Variants in SNTB1 observed in about 807,000 individuals in gnomAD.
SNTB1 encodes beta-1-syntrophin.
Under a neutral mutation model 48.9 loss-of-function variants are expected in SNTB1, and 36 were observed. The observed-to-expected ratio is 0.74, with a 90% CI of 0.56 to 0.97. The LOEUF (loss-of-function observed/expected upper bound fraction) is 0.97. Among genes scored for constraint, SNTB1 ranks in the 50% least tolerant of loss-of-function variants. SNTB1 has a pLI of 0.00. For missense variants in SNTB1, 786 were observed against 703.4 expected, an observed-to-expected ratio of 1.12 and a Z score of -1.33; for synonymous variants, 299 against 294.6, an observed-to-expected ratio of 1.01 and a Z score of -0.15.
intron 3 of SNTB1, among the ~76,000 whole-genome samples, chr8:120,601,030 T>C (rs555241633): frequency 1.3e-5 from 2 of 152,250 alleles, no homozygotes; most frequent in African/African-American, 4.8e-5. Flanking sequence ...GTGAAAGAGC[T>C]TGGTGCCCAG....
chr8:120,549,476 C>T (rs1815442452), intron 4 of SNTB1, among the ~76,000 whole-genome samples: 1 of 152,134 alleles, frequency 6.6e-6, no homozygotes, highest in African/African-American at 2.4e-5. Context: ...GAAGCAATAG[C>T]CAGTGGTGTA....
chr8:120,568,106 C>A (rs1056662753), intron 4 of SNTB1, among the ~76,000 whole-genome samples: 1 of 152,136 alleles, frequency 6.6e-6, no homozygotes, highest in Non-Finnish European at 1.5e-5. Flanking sequence ...CTGGGGTAAC[C>A]TCTGCAATGG....
chr8:120,619,990 G>A, intron 3 of SNTB1, among the ~76,000 whole-genome samples: 1 of 152,150 alleles, frequency 6.6e-6, no homozygotes, highest in East Asian at 1.9e-4. Flanking sequence ...TAGAATATTG[G>A]ATCAGTAGTT....
intron 3 of SNTB1, among the ~76,000 whole-genome samples, chr8:120,608,547 T>A (rs553494172): frequency 3.7e-4 from 56 of 152,238 alleles, no homozygotes; most frequent in Admixed American, 2.0e-3. Context: ...GGGAGAGGCC[T>A]CTGAACAAAC....
chr8:120,632,691 C>T (rs1453731541), intron 2 of SNTB1, 40 bp from the exon 3 acceptor site: 6 of 1,569,828 alleles, frequency 3.8e-6, no homozygotes, highest in African/African-American at 1.4e-5. Context: ...AGTTTCCTGG[C>T]AGGTCCTGCT....
chr8:120,674,582 T>C (rs1483111627), intron 2 of SNTB1, among the ~76,000 whole-genome samples: 1 of 152,216 alleles, frequency 6.6e-6, no homozygotes, highest in Non-Finnish European at 1.5e-5. Context: ...GGCCTAGTGA[T>C]GGGGCAAGGA....
intron 1 of SNTB1, among the ~76,000 whole-genome samples, chr8:120,720,881 T>C (rs1191593564): frequency 6.6e-6 from 1 of 152,222 alleles, no homozygotes; most frequent in East Asian, 1.9e-4. Flanking sequence ...GGAGCCTCCA[T>C]CTGTCAGTCA....
At chr8:120,716,853 C>G in intron 1 of SNTB1, among the ~76,000 whole-genome samples, 1 of 152,148 alleles carries the variant, frequency 6.6e-6, no homozygotes, top group East Asian at 1.9e-4. Context: ...AAATAATTCA[C>G]ATGAGGGCAA....
intron 5 of SNTB1, among the ~76,000 whole-genome samples, chr8:120,546,776 C>T (rs1015195561): frequency 6.6e-6 from 1 of 152,020 alleles, no homozygotes; most frequent in African/African-American, 2.4e-5. Context: ...GGTTTCCAGT[C>T]CCTTATTTAA....
chr8:120,620,984 C>T (rs1388824178), intron 3 of SNTB1, among the ~76,000 whole-genome samples: 1 of 150,492 alleles, frequency 6.6e-6, no homozygotes, highest in Non-Finnish European at 1.5e-5. Context: ...CTCCCTCTCC[C>T]TCTCTCTCTA....
chr8:120,621,812 T>C (rs1394938338), intron 3 of SNTB1, among the ~76,000 whole-genome samples: 7 of 152,068 alleles, frequency 4.6e-5, no homozygotes, highest in African/African-American at 1.4e-4. Flanking sequence ...CTCTTTCTCA[T>C]TTTTCCAGAG....
chr8:120,713,604 C>T (rs1818504071), intron 1 of SNTB1, among the ~76,000 whole-genome samples: 1 of 152,150 alleles, frequency 6.6e-6, no homozygotes, highest in South Asian at 2.1e-4. Flanking sequence ...GTGGCATGTG[C>T]CTGTAGTCCC....
At chr8:120,729,473 G>T (rs780201349) in intron 1 of SNTB1, among the ~76,000 whole-genome samples, 3 of 152,162 alleles carry the variant, frequency 2.0e-5, no homozygotes, top group Non-Finnish European at 4.4e-5. Flanking sequence ...GAATATATAT[G>T]TGCTTGTATA....
Position 120,538,960 on chromosome 8 carries a change from G to C in SNTB1, c.1534C>G (p.Leu512Val), listed in dbSNP as rs146212838. ...GGKDGEIQLD[L>V]HSCPKPIVFI... Reference sequence around the variant, plus strand: ...ACAATTGGCTTGGGGCAGGAATGAAGGTCCAGTTGCTGAAATTTAAAAAGA... The same window carrying C: ...ACAATTGGCTTGGGGCAGGAATGAACGTCCAGTTGCTGAAATTTAAAAAGA... Residue 512 changes from leucine to valine, a missense_variant, in exon 7 of 7, where the codon CTT (leucine) becomes GTT (valine). Physicochemically the swap from Leu to Val is conservative, Grantham distance 32. Coordinates refer to ENST00000517992, the MANE Select transcript of SNTB1 (RefSeq NM_021021.4). The C allele has an allele frequency of 1.7e-3, 2,738 of 1,609,804 alleles. 3 individuals carry two copies. Among genetic ancestry groups the C allele is most frequent in the Non-Finnish European group, 1.9e-3 (2,247 of 1,178,660 alleles).
chr8:120,665,970 TTA>T (rs931525711), intron 2 of SNTB1, among the ~76,000 whole-genome samples: 6 of 152,170 alleles, frequency 3.9e-5, no homozygotes, highest in African/African-American at 1.4e-4. Context: ...TGCTGTAACA[TTA>T]TAAAAAGACT....
chr8:120,716,585 C>G (rs557759076), intron 1 of SNTB1, among the ~76,000 whole-genome samples: 98 of 152,270 alleles, frequency 6.4e-4, no homozygotes, highest in Middle Eastern at 3.4e-3. Flanking sequence ...ACTTGATGTT[C>G]AGGATTTTGA....
At chr8:120,808,761 G>A (rs2130194875) in intron 1 of SNTB1, among the ~76,000 whole-genome samples, 1 of 152,208 alleles carries the variant, frequency 6.6e-6, no homozygotes, top group African/African-American at 2.4e-5. Flanking sequence ...CACTTTACAG[G>A]GTGTTCCACT....
At chr8:120,764,135 G>T (rs1218483656) in intron 1 of SNTB1, among the ~76,000 whole-genome samples, 3 of 152,162 alleles carry the variant, frequency 2.0e-5, no homozygotes, top group Non-Finnish European at 4.4e-5. Flanking sequence ...ATTCATTATA[G>T]TCTTACTTAT....
rs1456902023 is a variant in SNTB1, at chr8:120,705,320, A to G, written c.572-11412T>C. On this transcript the variant is annotated intron_variant, in intron 1 of 6. Coordinates refer to ENST00000517992, the MANE Select transcript of SNTB1 (RefSeq NM_021021.4). ...ACTGTTGTGAGGATTCACTGAATCA[A>G]TGTAAGTAAAAATCTACAAGAAACG... is the stretch of plus-strand genomic sequence containing the variant. Among the ~76,000 whole-genome samples, 2 of 152,224 alleles carry G rather than the reference A, an allele frequency of 1.3e-5. 1 individual carries two copies. Among genetic ancestry groups the G allele is most frequent in the South Asian group, 4.1e-4 (2 of 4,838 alleles).
Sources: gnomAD v4.1 joint callset for allele counts (sites outside exome capture counted in the v4.1 genomes callset) on GRCh38, gnomAD v4.1.1 for gene constraint, MANE v1.5 for transcripts, NCBI Gene and HGNC (gene_info 2026-07-23, HGNC 2026-07-21) for gene names.